The following GIMAP4 variants were observed in gnomAD, a reference collection of about 807,000 sequenced individuals.
The protein encoded by GIMAP4 is GTPase IMAP family member 4.
A neutral mutation model predicts 10.8 loss-of-function variants in GIMAP4; 12 were observed. That is an observed-to-expected ratio of 1.11 (90% CI 0.71 to 1.81). The LOEUF is 1.81. Ranked by LOEUF, GIMAP4 falls within the 40% of genes most tolerant of loss-of-function variation. The pLI, the probability that GIMAP4 is intolerant of heterozygous loss-of-function variation, is 0.00. For synonymous variants in GIMAP4, 149 were observed against 147.2 expected, an observed-to-expected ratio of 1.01 and a Z score of -0.09; for missense variants, 412 against 404.6, an observed-to-expected ratio of 1.02 and a Z score of -0.16.
At chr7:150,570,152 C>T in intron 2 of GIMAP4, 193 bp downstream of exon 2, 1 of 604,616 alleles carries the variant, frequency 1.7e-6, no homozygotes, top group South Asian at 2.0e-5. Context: ...TTTCTTGACC[C>T]TCTGCACTTT....
rs1795760340 is a variant in GIMAP4 at position 150,573,254 on chromosome 7, G to T, written c.*194G>T. On this transcript the variant is annotated 3_prime_UTR_variant, in exon 3 of 3. Transcript: ENST00000255945. Reference sequence around the variant, plus strand: ...AATTTTCAATTTGTGAAACTCCAAAGCAGAAAGTATTGGTGCTTGCTACCT... The same window carrying T: ...AATTTTCAATTTGTGAAACTCCAAATCAGAAAGTATTGGTGCTTGCTACCT... 3.7e-6 allele frequency: 2 copies of T among 546,434 alleles called. No homozygotes were observed. The allele number at this position is 546,434 out of a possible 1,614,324, so 33.8% of individuals were successfully genotyped here.
chr7:150,567,583 C>A (rs1393910266), intron 1 of GIMAP4, 146 bp downstream of exon 1: 2 of 152,112 alleles, frequency 1.3e-5, no homozygotes, highest in African/African-American at 4.8e-5. Context: ...TAATTTTAGG[C>A]TGTGATCTGT....
chr7:150,571,390 G>T (rs568555835), intron 2 of GIMAP4, among the ~76,000 whole-genome samples: 14 of 152,272 alleles, frequency 9.2e-5, no homozygotes, highest in African/African-American at 3.4e-4. Context: ...ATGGGAAGAA[G>T]AAATGCTTCA....
intron 2 of GIMAP4, 74 bp downstream of exon 2, chr7:150,570,033 G>GTC: frequency 5.0e-6 from 2 of 400,946 alleles, no homozygotes; most frequent in Non-Finnish European, 4.9e-6. Flanking sequence ...ATTTGGGGGG[G>GTC]AATAGGGGTG....
In GIMAP4 at chr7:150,572,629, T is replaced by C. The variant is rs777240719; in HGVS notation, c.559T>C (p.Cys187Arg). The change falls in exon 3 of 3, where the codon TGT (cysteine) becomes CGT (arginine). Residue 187 changes from cysteine to arginine, a missense_variant. Physicochemically the swap from Cys to Arg is radical, Grantham distance 180. Coordinates refer to ENST00000255945, the MANE Select transcript of GIMAP4 (RefSeq NM_018326.3). ...DLMDIFGDRY[C>R]ALNNKATGAE... Reference sequence around the variant, plus strand: ...GATGGACATTTTCGGTGACCGCTACTGTGCGTTAAACAACAAGGCAACAGG... The same window carrying C: ...GATGGACATTTTCGGTGACCGCTACCGTGCGTTAAACAACAAGGCAACAGG... The C allele has an allele frequency of 1.2e-6, 2 of 1,614,112 alleles. No homozygotes were observed. Among genetic ancestry groups the C allele is most frequent in the African/African-American group, 2.7e-5 (2 of 74,934 alleles).
chr7:150,572,397 G>C lies in GIMAP4; in HGVS notation c.327G>C (p.Leu109=), dbSNP rs746995247. The C allele has an allele frequency of 6.2e-7, 1 of 1,613,972 alleles. No individual in the cohort carries two copies. Among genetic ancestry groups the C allele is most frequent in the African/African-American group, 1.3e-5 (1 of 74,906 alleles). The change falls in exon 3 of 3, where the codon CTG becomes CTC. Residue 109 remains leucine (L), a synonymous_variant. Transcript: ENST00000255945. ...AGGAGATTATTCGCTGCATTCTTCT[G>C]ACCTCCCCAGGGCCTCATGCTCTGC... ...TSKEIIRCIL[L]TSPGPHALLL... is the part of the protein sequence containing the mutation.
rs1256700606 is a variant in GIMAP4 at position 150,572,473 on chromosome 7, GAGA to G, written c.407_409del (p.Lys136del). On this transcript the variant is annotated inframe_deletion, in exon 3 of 3. Transcript: ENST00000255945. ...CACTGAGGAAGAGCACAAAGCCACA[GAGA>G]AGATCCTGAAAATGTTTGGAGAGAG... The G allele has an allele frequency of 3.7e-6, 6 of 1,614,144 alleles. No individual in the cohort carries two copies. Among genetic ancestry groups the G allele is most frequent in the South Asian group, 1.1e-5 (1 of 91,086 alleles).
chr7:150,570,451 A>G (rs777329424), intron 2 of GIMAP4, among the ~76,000 whole-genome samples: 1 of 152,202 alleles, frequency 6.6e-6, no homozygotes, highest in Non-Finnish European at 1.5e-5. Context: ...AGTGTATCAC[A>G]TGACCCTCCA....
chr7:150,570,097 C>A, intron 2 of GIMAP4, 138 bp downstream of exon 2: 1 of 665,562 alleles, frequency 1.5e-6, no homozygotes, highest in Non-Finnish European at 2.7e-6. Context: ...AAAATATTTC[C>A]AACCTCTTTT....
intron 2 of GIMAP4, among the ~76,000 whole-genome samples, chr7:150,571,638 G>A (rs964853850): frequency 1.3e-5 from 2 of 151,982 alleles, no homozygotes; most frequent in East Asian, 1.9e-4. Context: ...AAAATTATCC[G>A]GGCATGGTGG....
At chr7:150,569,754 T>C (rs2116716308) in intron 1 of GIMAP4, 134 bp from the exon 2 acceptor site, 1 of 592,130 alleles carries the variant, frequency 1.7e-6, no homozygotes, top group Non-Finnish European at 3.0e-6. Context: ...GAGGAGACTT[T>C]TGGGAAATGG....
At chr7:150,569,122 C>T (rs1795698039) in intron 1 of GIMAP4, among the ~76,000 whole-genome samples, 1 of 152,044 alleles carries the variant, frequency 6.6e-6, no homozygotes, top group African/African-American at 2.4e-5. Flanking sequence ...TATTTTGAAA[C>T]CAATAGTAAG....
chr7:150,571,949 G>C (rs1795733246), intron 2 of GIMAP4, among the ~76,000 whole-genome samples, 180 bp from the exon 3 acceptor site: 1 of 152,214 alleles, frequency 6.6e-6, no homozygotes, highest in African/African-American at 2.4e-5. Flanking sequence ...GGAAAGGCCA[G>C]TTGCCCAAGT....
rs754764648 is a variant in GIMAP4 at position 150,572,802 on chromosome 7, C to T, written c.732C>T (p.His244=). The change falls in exon 3 of 3, where the codon CAC becomes CAT. Residue 244 remains histidine, a synonymous_variant. Coordinates refer to ENST00000255945, the MANE Select transcript of GIMAP4 (RefSeq NM_018326.3). ...AAACACAAGCAATGCAAGAACTCCACAGAGTGGAGCTGGAGAGAGAGAAAG... is the reference window on the plus strand; with the variant it reads ...AAACACAAGCAATGCAAGAACTCCATAGAGTGGAGCTGGAGAGAGAGAAAG... The part of the protein sequence containing the change: ...QKQTQAMQEL[H]RVELEREKAR... 1.2e-6 allele frequency: 2 copies of T among 1,613,990 alleles called. No individual in the cohort carries two copies. The highest frequency in any genetic ancestry group is 1.7e-6 in the Non-Finnish European group (2 of 1,179,962).
intron 2 of GIMAP4, among the ~76,000 whole-genome samples, chr7:150,571,209 C>T (rs879880847): frequency 2.4e-4 from 36 of 152,226 alleles, no homozygotes; most frequent in Middle Eastern, 3.4e-3. Context: ...AAAATGTGAA[C>T]GCCAGCCCAC....
chr7:150,571,868 A>C (rs1253594097), intron 2 of GIMAP4, among the ~76,000 whole-genome samples: 1 of 152,230 alleles, frequency 6.6e-6, no homozygotes, highest in African/African-American at 2.4e-5. Flanking sequence ...TCTGGGCTAC[A>C]TAGCTACAAA....
chr7:150,567,754 G>A (rs900728096), intron 1 of GIMAP4, among the ~76,000 whole-genome samples: 1 of 152,130 alleles, frequency 6.6e-6, no homozygotes, highest in African/African-American at 2.4e-5. Context: ...AATTAGCTCT[G>A]GGGGAGCTGG....
chr7:150,573,048 C>G lies in GIMAP4; in HGVS notation c.978C>G (p.Phe326Leu). Residue 326 changes from phenylalanine (F) to leucine (L), a missense_variant, in exon 3 of 3, where the codon TTC becomes TTG. By Grantham distance (22) the Phe-to-Leu change is conservative. Coordinates refer to ENST00000255945, the MANE Select transcript of GIMAP4 (RefSeq NM_018326.3). ...CTTCCTTTATTTTGTTACGTCTGTT[C>G]GCGGAAGATTAAACTTAATGAAAAT... is the stretch of plus-strand genomic sequence containing the variant. ...QIASFILLRL[F>L]AED The G allele has an allele frequency of 6.3e-7, 1 of 1,583,558 alleles. No individual in the cohort carries two copies. The highest frequency in any genetic ancestry group is 1.1e-5 in the South Asian group (1 of 88,144).
intron 2 of GIMAP4, among the ~76,000 whole-genome samples, chr7:150,570,693 T>C (rs1403238022): frequency 6.6e-6 from 1 of 152,194 alleles, no homozygotes; most frequent in Non-Finnish European, 1.5e-5. Context: ...GATAGCCTTA[T>C]GGACATGTCT....
Sources: allele counts gnomAD v4.1 joint callset (sites outside exome capture counted in the v4.1 genomes callset), GRCh38; gene constraint gnomAD v4.1.1; transcripts MANE v1.5; gene names NCBI Gene and HGNC (gene_info 2026-07-23, HGNC 2026-07-21).